Variants in MIDN observed in about 807,000 individuals in gnomAD.
MIDN encodes midnolin.
A neutral mutation model predicts 46.1 loss-of-function variants in MIDN; 26 were observed. That is an observed-to-expected ratio of 0.56 (90% CI 0.41 to 0.78). The LOEUF (loss-of-function observed/expected upper bound fraction) is 0.78. Ranked by LOEUF, MIDN falls within the 30% of genes least tolerant of loss-of-function variation. The pLI is 0.00. For missense variants in MIDN, 850 were observed against 771.8 expected, an observed-to-expected ratio of 1.10 and a Z score of -1.20; for synonymous variants, 432 against 343.3, an observed-to-expected ratio of 1.26 and a Z score of -2.86.
At position 1,257,172 on chromosome 19, in the gene MIDN, G is replaced by A. The variant is rs147606566; in HGVS notation, c.1436G>A (p.Gly479Asp). The stretch of plus-strand genomic sequence containing the variant: ...GACAGCAGTAGCAGCGGGGGCGGCG[G>A]CAGCCCCAGCGAGGCCTCCGGCTTG... The part of the protein sequence containing the change: ...RSDSSSSGGG[G>D]SPSEASGLGL... The change falls in exon 9 of 9, where the codon GGC becomes GAC. Residue 479 changes from glycine to aspartate, a missense_variant. By Grantham distance (94) the Gly-to-Asp change is moderately conservative (BLOSUM62 -1). Transcript: ENST00000682408. The A allele has an allele frequency of 6.8e-6, 11 of 1,611,646 alleles. No homozygotes were observed. In the African/African-American group the frequency reaches 1.3e-4, roughly 20 times the overall value.
At chr19:1,254,126 G>A (rs748191063) in intron 5 of MIDN, 41 bp from the exon 6 acceptor site, 11 of 1,564,968 alleles carry the variant, frequency 7.0e-6, no homozygotes, top group East Asian at 2.3e-5. Context: ...TGGGGGCGCC[G>A]CAAGCTGGGG....
Position 1,258,844 on chromosome 19 carries a change from GTT to G in MIDN, c.*1577_*1578del, listed in dbSNP as rs2081233761. On this transcript the variant is annotated 3_prime_UTR_variant, in exon 9 of 9. Coordinates refer to ENST00000682408, the MANE Select transcript of MIDN (RefSeq NM_001388306.1). ...AAAAAGGAGTAAAAGGGGCGGGTTT[GTT>G]TTTTGAAGAACTGTCTTGGATACCT... 6.6e-6 allele frequency: 1 copy of G among 151,902 alleles called. No individual in the cohort carries two copies. The highest frequency in any genetic ancestry group is 2.1e-4 in the South Asian group (1 of 4,832). 9.4% of individuals were successfully genotyped at this position (151,902 alleles called of 1,614,324 possible).
intron 8 of MIDN, 108 bp downstream of exon 8, chr19:1,255,802 G>C: frequency 6.3e-6 from 7 of 1,114,184 alleles, no homozygotes; most frequent in Non-Finnish European, 8.7e-6. Context: ...CCAGGGGCTG[G>C]GGGGGATGGC....
Position 1,255,429 on chromosome 19 carries a change from A to G in MIDN, c.993A>G (p.Leu331=), listed in dbSNP as rs1188612408. 7 of 1,591,754 alleles carry G rather than the reference A, an allele frequency of 4.4e-6. No individual in the cohort carries two copies. The African/African-American group carries it at 5.4e-5, about 12-fold the overall frequency. ...GGCCACCTCTGCCCGCAGGCACGCT[A>G]CACCCCAACTGCCAAGACAGCAGCG... ...GVFSGTFSGT[L]HPNCQDSSGR... Residue 331 remains leucine (L), a synonymous_variant, in exon 8 of 9, where the codon CTA becomes CTG. Coordinates refer to ENST00000682408, the MANE Select transcript of MIDN (RefSeq NM_001388306.1).
At position 1,255,415 on chromosome 19, in the gene MIDN, C is replaced by T. The variant is rs1285015299; in HGVS notation, c.986-7C>T. On this transcript the variant is annotated splice_polypyrimidine_tract_variant and splice_region_variant and intron_variant, in intron 7 of 8. Coordinates refer to ENST00000682408, the MANE Select transcript of MIDN (RefSeq NM_001388306.1). ...TGCCGGGCACTCACGGCCACCTCTG[C>T]CCGCAGGCACGCTACACCCCAACTG... The T allele has an allele frequency of 7.6e-6, 12 of 1,577,060 alleles. No homozygotes were observed. Among genetic ancestry groups the T allele is most frequent in the East Asian group, 2.3e-5 (1 of 42,664 alleles).
intron 8 of MIDN, 123 bp downstream of exon 8, chr19:1,255,817 G>A: frequency 2.1e-6 from 2 of 938,988 alleles, no homozygotes; most frequent in South Asian, 3.5e-5. Context: ...GATGGCAGCT[G>A]CCGTGGCCAC....
At chr19:1,254,771 C>A in intron 6 of MIDN, 131 bp from the exon 7 acceptor site, 2 of 1,122,130 alleles carry the variant, frequency 1.8e-6, no homozygotes, top group Non-Finnish European at 2.5e-6. Flanking sequence ...TGACCTTGGG[C>A]TAGTTTATCT....
Position 1,258,674 on chromosome 19 carries a change from T to A in MIDN, c.*1402T>A, listed in dbSNP as rs1276139733. The A allele has an allele frequency of 4.1e-5, 6 of 145,530 alleles. No homozygotes were observed. The highest frequency in any genetic ancestry group is 1.0e-4 in the African/African-American group (4 of 38,704). 9.0% of individuals were successfully genotyped at this position (145,530 alleles called of 1,614,324 possible). ...TGTGTTGAAAGTTAATGGTTTCAGA[T>A]GTGAACATCACGTGTTATAACTGTA... On this transcript the variant is annotated 3_prime_UTR_variant, in exon 9 of 9. Transcript: ENST00000682408.
At chr19:1,251,541 G>A (rs1304745626) in intron 2 of MIDN, 21 bp from the exon 3 acceptor site, 1 of 1,606,096 alleles carries the variant, frequency 6.2e-7, no homozygotes, top group South Asian at 1.1e-5. Flanking sequence ...GGAGTCTCAT[G>A]CTCTTCCTTC....
At chr19:1,249,864 T>C (rs1325794389) in intron 1 of MIDN, 26 bp from the exon 2 acceptor site, 6 of 151,874 alleles carry the variant, frequency 4.0e-5, no homozygotes, top group Non-Finnish European at 7.4e-5. Flanking sequence ...ATTATAACTT[T>C]TTTTTCTTGT....
chr19:1,254,015 T>G lies in MIDN; in HGVS notation c.446T>G (p.Ile149Ser). 7.1e-7 allele frequency: 1 copy of G among 1,415,038 alleles called. No individual in the cohort carries two copies. Among genetic ancestry groups the G allele is most frequent in the South Asian group, 1.5e-5 (1 of 68,056 alleles). The allele number at this position is 1,415,038 out of a possible 1,614,324, so 87.7% of individuals were successfully genotyped here. A position where few individuals can be genotyped will look rare whatever the true frequency, so the allele number is the denominator to read the frequency against. ...GGGGFRKYRF[I>S]LFKRPWHRQG... ...GGAGGCTTCCGGAAATACAGATTCA[T>G]TTTATTTAAGCGTCCGTGGCACCGA... is the stretch of plus-strand genomic sequence containing the variant. Residue 149 changes from isoleucine (I) to serine (S), a missense_variant, in exon 5 of 9, where the codon ATT becomes AGT. Coordinates refer to ENST00000682408, the MANE Select transcript of MIDN (RefSeq NM_001388306.1).
At position 1,251,951 on chromosome 19, in the gene MIDN, G is replaced by C. The variant is rs748827351; in HGVS notation, c.384+50G>C. On this transcript the variant is annotated intron_variant, in intron 4 of 8. Transcript: ENST00000682408. ...AACAGGGCAGCCCTGGGAGCAGGGTGCCTTGGCCACCGACGGGGCCTGGGG... is the reference window on the plus strand; with the variant it reads ...AACAGGGCAGCCCTGGGAGCAGGGTCCCTTGGCCACCGACGGGGCCTGGGG... 5.2e-6 allele frequency: 8 copies of C among 1,534,646 alleles called. No individual in the cohort carries two copies. In the African/African-American group the frequency reaches 6.8e-5, roughly 13 times the overall value.
rs1375897143 is a variant in MIDN at position 1,257,533 on chromosome 19, TC to T, written c.*263del. 214 of 442,300 alleles carry T rather than the reference TC, an allele frequency of 4.8e-4. No homozygotes were observed. The highest frequency in any genetic ancestry group is 2.2e-3 in the African/African-American group (105 of 46,882). The allele number at this position is 442,300 out of a possible 1,614,324, so 27.4% of individuals were successfully genotyped here. ...GCCCTCCTCTTCCTCCTCCTCCTCC[TC>T]CTCCGTCTGTCTCCTTTCACCTCTG... On this transcript the variant is annotated 3_prime_UTR_variant, in exon 9 of 9. Transcript: ENST00000682408.
At chr19:1,248,746 G>A (rs1014470781) in intron 1 of MIDN, 86 bp downstream of exon 1, 31 of 152,116 alleles carry the variant, frequency 2.0e-4, no homozygotes, top group African/African-American at 6.8e-4. Context: ...CTTTGTTCTT[G>A]GGACAGGAGG....
rs1234869907 is a variant in MIDN, at chr19:1,250,269, G to A, written c.-28G>A. 3.5e-5 allele frequency: 32 copies of A among 905,376 alleles called. No homozygotes were observed. Among genetic ancestry groups the A allele is most frequent in the South Asian group, 5.0e-5 (1 of 19,832 alleles). The allele number at this position is 905,376 out of a possible 1,614,324, so 56.1% of individuals were successfully genotyped here. On this transcript the variant is annotated 5_prime_UTR_variant, in exon 2 of 9. Coordinates refer to ENST00000682408, the MANE Select transcript of MIDN (RefSeq NM_001388306.1). ...GCGGCGAGGATTGGCGGCGCCCGCC[G>A]CCCCCAGCCCCCCAGCGCGCGCCGG...
intron 2 of MIDN, 36 bp downstream of exon 2, chr19:1,250,565 G>C (rs766042738): frequency 3.7e-5 from 41 of 1,102,238 alleles, no homozygotes; most frequent in African/African-American, 1.5e-4. Context: ...CCGCCCCCTC[G>C]GGCCCCGGCC....
At chr19:1,256,249 C>T (rs1030238632) in intron 8 of MIDN, among the ~76,000 whole-genome samples, 19 of 152,148 alleles carry the variant, frequency 1.2e-4, no homozygotes, top group Non-Finnish European at 2.2e-4. Flanking sequence ...TTTGGGAGGC[C>T]GACGCGGGCG....
rs747027627 is a variant in MIDN, at chr19:1,254,030, C to T, written c.461C>T (p.Pro154Leu). The change falls in exon 5 of 9, where the codon CCG (proline) becomes CTG (leucine). Residue 154 changes from proline (P) to leucine (L), a missense_variant. By Grantham distance (98) the Pro-to-Leu change is moderately conservative. Transcript: ENST00000682408. ...TACAGATTCATTTTATTTAAGCGTC[C>T]GTGGCACCGACAGGGACCCCAGAGC... ...RKYRFILFKR[P>L]WHRQGPQSPE... The T allele has an allele frequency of 3.4e-5, 48 of 1,432,004 alleles. No individual in the cohort carries two copies. Among genetic ancestry groups the T allele is most frequent in the Admixed American group, 9.4e-5 (3 of 31,874 alleles). The allele number at this position is 1,432,004 out of a possible 1,614,324, so 88.7% of individuals were successfully genotyped here.
Position 1,253,969 on chromosome 19 carries a change from G to C in MIDN, c.400G>C (p.Gly134Arg), listed in dbSNP as rs546796482. The C allele has an allele frequency of 7.9e-6, 11 of 1,387,812 alleles. 1 individual carries two copies. The highest frequency in any genetic ancestry group is 6.4e-5 in the South Asian group (4 of 62,922). 86.0% of individuals were successfully genotyped at this position (1,387,812 alleles called of 1,614,324 possible). Residue 134 changes from glycine to arginine, a missense_variant, in exon 5 of 9, where the codon GGG (glycine) becomes CGG (arginine). Transcript: ENST00000682408. ...LTETQPPAAP[G>R]PGRAGGGGFR... ...GTCCCCACAGCCCCCAGCGGCGCCC[G>C]GGCCGGGCCGGGCTGGCGGAGGAGG...
Sources: gnomAD v4.1 joint callset for allele counts (sites outside exome capture counted in the v4.1 genomes callset) on GRCh38, gnomAD v4.1.1 for gene constraint, MANE v1.5 for transcripts, NCBI Gene and HGNC (gene_info 2026-07-23, HGNC 2026-07-21) for gene names.